FBXW11: variants seen among roughly 807,000 people sequenced by gnomAD.
FBXW11 encodes F-box and WD repeat domain containing 11, also known as F-box/WD repeat-containing protein 11.
A neutral mutation model predicts 77.6 loss-of-function variants in FBXW11; 19 were observed. The ratio of observed to expected loss-of-function variants is 0.24; its 90% CI spans 0.17 to 0.36. The LOEUF (loss-of-function observed/expected upper bound fraction) is 0.36. Among genes scored for constraint, FBXW11 ranks in the 10% least tolerant of loss-of-function variants. The probability of loss-of-function intolerance (pLI) is 1.00; values close to 1 mark genes in which losing one functional copy is unlikely to be tolerated. For synonymous variants in FBXW11, 235 were observed against 249.4 expected, an observed-to-expected ratio of 0.94 and a Z score of 0.54; for missense variants, 334 against 704.2, an observed-to-expected ratio of 0.47 and a Z score of 5.95.
chr5:171,902,786 T>C (rs970993961), intron 4 of FBXW11, among the ~76,000 whole-genome samples: 3 of 152,222 alleles, frequency 2.0e-5, no homozygotes, highest in Non-Finnish European at 4.4e-5. Context: ...TATCCAGGCA[T>C]ACAATGTATT....
At chr5:171,974,956 G>C (rs1013710418) in intron 1 of FBXW11, among the ~76,000 whole-genome samples, 1 of 152,052 alleles carries the variant, frequency 6.6e-6, no homozygotes, top group Non-Finnish European at 1.5e-5. Context: ...CACCACGCCC[G>C]GTTAATTTTG....
chr5:171,946,837 CAG>C (rs1763039146), intron 2 of FBXW11, among the ~76,000 whole-genome samples: 3 of 102,704 alleles, frequency 2.9e-5, no homozygotes, highest in Non-Finnish European at 5.3e-5. Context: ...TTTTTTGATA[CAG>C]AGTCTCACTC....
chr5:171,951,334 G>C (rs1763301992), intron 2 of FBXW11, among the ~76,000 whole-genome samples: 1 of 152,042 alleles, frequency 6.6e-6, no homozygotes, highest in Non-Finnish European at 1.5e-5. Flanking sequence ...CCAGAAGTTT[G>C]AGACCAGCCT....
chr5:171,875,753 G>A lies in FBXW11; in HGVS notation c.1221+532C>T, dbSNP rs555708641. On this transcript the variant is annotated intron_variant, in intron 9 of 13. Transcript: ENST00000517395. ...TTACAAGTCTGCCTCCCCCTTCACC[G>A]CATGCTAAGCTTCTTGAAGGCAAGG... Among the ~76,000 whole-genome samples the A allele has an allele frequency of 5.3e-5, 8 of 152,120 alleles. No individual in the cohort carries two copies. The East Asian group carries it at 1.4e-3, about 26-fold the overall frequency.
At chr5:171,935,473 T>C (rs1762425262) in intron 2 of FBXW11, among the ~76,000 whole-genome samples, 1 of 151,918 alleles carries the variant, frequency 6.6e-6, no homozygotes, top group South Asian at 2.1e-4. Context: ...CTGAACTACA[T>C]GTTGAAAGGG....
intron 1 of FBXW11, among the ~76,000 whole-genome samples, chr5:171,963,206 CAT>C (rs1052133540): frequency 7.2e-6 from 1 of 138,088 alleles, no homozygotes; most frequent in African/African-American, 2.5e-5. Context: ...CACACACACA[CAT>C]ATATATATAC....
chr5:171,914,367 G>C lies in FBXW11; in HGVS notation c.186C>G (p.Ser62=). The C allele has an allele frequency of 6.2e-7, 1 of 1,605,158 alleles. No individual in the cohort carries two copies. Among genetic ancestry groups the C allele is most frequent in the South Asian group, 1.1e-5 (1 of 88,978 alleles). ...SVMEDQNEDE[S]PKKNTLWQIS... is the part of the protein sequence containing the mutation. The stretch of plus-strand genomic sequence containing the variant: ...CCTGCCAAAGAGTATTTTTCTTTGG[G>C]GACTCATCTTCATTTTGATCTTCCA... Residue 62 remains serine (S), a synonymous_variant, in exon 3 of 14, where the codon TCC becomes TCG. Transcript: ENST00000517395.
intron 7 of FBXW11, among the ~76,000 whole-genome samples, chr5:171,878,591 TAAGAGA>T (rs1342556572): frequency 1.0e-5 from 1 of 95,480 alleles, no homozygotes; most frequent in Non-Finnish European, 2.2e-5. Flanking sequence ...TGTGTGTGTG[TAAGAGA>T]GAGAGAGTGT....
chr5:171,931,806 C>A (rs1219799572), intron 2 of FBXW11, among the ~76,000 whole-genome samples: 1 of 144,490 alleles, frequency 6.9e-6, no homozygotes, highest in Non-Finnish European at 1.5e-5. Flanking sequence ...ATTTCTCTCT[C>A]TCTCTCTCCT....
At position 171,982,779 on chromosome 5, in the gene FBXW11, G is replaced by A. The variant is rs532749782; in HGVS notation, c.45+23679C>T. Among the ~76,000 whole-genome samples, 263 of 152,172 alleles carry A rather than the reference G, an allele frequency of 1.7e-3. 1 individual carries two copies. The highest frequency in any genetic ancestry group is 1.1e-3 in the Non-Finnish European group (74 of 68,004). ...TTAGGTAAGTTAGGCCTCAGGAAAC[G>A]GAATCTCGGTGACCTTCTCCAGCCC... On this transcript the variant is annotated intron_variant, in intron 1 of 13. Coordinates refer to ENST00000517395, the MANE Select transcript of FBXW11 (RefSeq NM_001378974.1).
intron 12 of FBXW11, 96 bp from the exon 13 acceptor site, chr5:171,868,892 TAA>T: frequency 9.1e-7 from 1 of 1,104,394 alleles, no homozygotes; most frequent in Non-Finnish European, 1.3e-6. Flanking sequence ...TGCAGCCACT[TAA>T]ACAGACTTCC....
At chr5:171,956,036 A>T (rs1468354437) in intron 2 of FBXW11, among the ~76,000 whole-genome samples, 1 of 152,198 alleles carries the variant, frequency 6.6e-6, no homozygotes, top group Non-Finnish European at 1.5e-5. Flanking sequence ...CAATAAAAAG[A>T]ATCCGCACTT....
chr5:171,898,064 G>T (rs1463781046), intron 6 of FBXW11, among the ~76,000 whole-genome samples: 1 of 152,024 alleles, frequency 6.6e-6, no homozygotes, highest in Non-Finnish European at 1.5e-5. Flanking sequence ...AGACAGTTTG[G>T]GCTTTAAATA....
chr5:171,893,441 A>AAAAAAAAAAAAAC (rs1759517740), intron 6 of FBXW11, among the ~76,000 whole-genome samples: 1 of 148,614 alleles, frequency 6.7e-6, no homozygotes, highest in Non-Finnish European at 1.5e-5. Flanking sequence ...AAAAAAAAAA[A>AAAAAAAAAAAAAC]AAAAAACTAA....
intron 1 of FBXW11, among the ~76,000 whole-genome samples, chr5:171,962,190 T>C (rs535626986): frequency 6.6e-6 from 1 of 152,294 alleles, no homozygotes; most frequent in South Asian, 2.1e-4. Flanking sequence ...TATTTACCAA[T>C]TTTAACAAAT....
At chr5:171,866,047 T>C (rs1014949778) in intron 13 of FBXW11, among the ~76,000 whole-genome samples, 1 of 152,086 alleles carries the variant, frequency 6.6e-6, no homozygotes, top group Non-Finnish European at 1.5e-5. Flanking sequence ...GGCAGATCAA[T>C]TGAGGTCAGG....
At chr5:171,909,685 A>G (rs1053878289) in intron 4 of FBXW11, among the ~76,000 whole-genome samples, 90 of 150,048 alleles carry the variant, frequency 6.0e-4, no homozygotes, top group Non-Finnish European at 1.2e-3. Context: ...ATTTAACCAG[A>G]TGTGTGTGTG....
chr5:171,877,803 C>T (rs1758198982), intron 8 of FBXW11, among the ~76,000 whole-genome samples: 1 of 152,192 alleles, frequency 6.6e-6, no homozygotes, highest in Non-Finnish European at 1.5e-5. Flanking sequence ...GTTGTCATCT[C>T]TACAATGAAC....
chr5:171,981,920 T>C (rs1006235927), intron 1 of FBXW11, among the ~76,000 whole-genome samples: 2 of 152,220 alleles, frequency 1.3e-5, no homozygotes, highest in Admixed American at 1.3e-4. Context: ...ATAGAGTGCA[T>C]ACAGTATGTG....
Sources: allele counts gnomAD v4.1 joint callset (sites outside exome capture counted in the v4.1 genomes callset), GRCh38; gene constraint gnomAD v4.1.1; transcripts MANE v1.5; gene names NCBI Gene and HGNC (gene_info 2026-07-23, HGNC 2026-07-21).